Variants in DNAH10 observed in about 807,000 individuals in gnomAD.
DNAH10 encodes dynein axonemal heavy chain 10.
A neutral mutation model predicts 506.6 loss-of-function variants in DNAH10; 348 were observed. That is an observed-to-expected ratio of 0.69 (90% confidence interval 0.63 to 0.75). DNAH10 has a LOEUF of 0.75. Ranked by LOEUF, DNAH10 falls within the 30% of genes least tolerant of loss-of-function variation. The pLI is 0.00. For synonymous variants in DNAH10, 2,059 were observed against 2,198.6 expected, an observed-to-expected ratio of 0.94 and a Z score of 1.78; for missense variants, 5,179 against 5,787.1, an observed-to-expected ratio of 0.89 and a Z score of 3.41.
chr12:123,766,768 C>T (rs1189606220), intron 1 of DNAH10, among the ~76,000 whole-genome samples: 7 of 152,132 alleles, frequency 4.6e-5, no homozygotes, highest in African/African-American at 1.7e-4. Flanking sequence ...GGCCTCCTGA[C>T]ATTTGATATT....
At position 123,909,422 on chromosome 12, in the gene DNAH10, G is replaced by A. The variant is rs61744221; in HGVS notation, c.9977G>A (p.Ser3326Asn). 4,979 of 1,600,864 alleles carry A rather than the reference G, an allele frequency of 3.1e-3. 136 individuals are homozygous for A. In the African/African-American group the frequency reaches 0.058, roughly 19 times the overall value. ...ATTGATTTTGATTCGATTACCCAGA[G>A]CCAAGTGAAAAACATCAAAGGTGAG... is the stretch of plus-strand genomic sequence containing the variant. ...MEIDFDSITQ[S>N]QVKNIKGLLK... is the part of the protein sequence containing the mutation. Residue 3326 changes from serine (S) to asparagine (N), a missense_variant, in exon 58 of 79, where the codon AGC becomes AAC. Ser to Asn is a conservative substitution (Grantham distance 46, BLOSUM62 1). Transcript: ENST00000673944. This position sits in a 1 kb window ranked among gnomAD's most constrained non-coding sequence, Gnocchi z 5.4.
chr12:123,882,685 C>T (rs982219665), intron 51 of DNAH10, among the ~76,000 whole-genome samples: 1 of 149,202 alleles, frequency 6.7e-6, no homozygotes, highest in Non-Finnish European at 1.5e-5. Flanking sequence ...CCCAGCTACT[C>T]GGAGGCTGAG....
chr12:123,849,028 A>G (rs1027459714), intron 34 of DNAH10, 146 bp downstream of exon 34: 1 of 1,032,992 alleles, frequency 9.7e-7, no homozygotes, highest in Non-Finnish European at 1.4e-6. Flanking sequence ...TCCAATTGAG[A>G]TGATTGGGTT....
intron 10 of DNAH10, among the ~76,000 whole-genome samples, chr12:123,788,315 T>C (rs1316037344): frequency 2.0e-5 from 3 of 152,166 alleles, no homozygotes; most frequent in Non-Finnish European, 4.4e-5. Flanking sequence ...CCCTTAAGTA[T>C]TGGAATCCCT....
intron 56 of DNAH10, among the ~76,000 whole-genome samples, chr12:123,900,064 A>G (rs1158067637): frequency 6.6e-6 from 1 of 152,024 alleles, no homozygotes; most frequent in African/African-American, 2.4e-5. Context: ...TCACTTCTTC[A>G]TGCCTGTGTG....
At chr12:123,882,038 G>A (rs1952532996) in intron 51 of DNAH10, 2 of 403,460 alleles carry the variant, frequency 5.0e-6, no homozygotes, top group South Asian at 1.3e-4. Context: ...TTTGGCTTAG[G>A]ATAGGGTTAC....
At chr12:123,873,747 A>G in intron 46 of DNAH10, 37 bp downstream of exon 46, 1 of 1,569,204 alleles carries the variant, frequency 6.4e-7, no homozygotes, top group Non-Finnish European at 8.6e-7. Context: ...GGATGGGTCA[A>G]GACAGTGCTT....
In DNAH10 at chr12:123,875,240, T is replaced by A. The variant is rs775431941; in HGVS notation, c.7948T>A (p.Tyr2650Asn). Reference sequence around the variant, plus strand: ...TTTAAAAAAAATCAAGGTGGATGAATATGGCACGCAGCAGCCCATTGCCTT... The same window carrying A: ...TTTAAAAAAAATCAAGGTGGATGAAAATGGCACGCAGCAGCCCATTGCCTT... ...DDMNMPRVDE[Y>N]GTQQPIALLK... The change falls in exon 47 of 79, where the codon TAT (tyrosine) becomes AAT (asparagine). Residue 2650 changes from tyrosine to asparagine, a missense_variant. Physicochemically the swap from Tyr to Asn is moderately radical, Grantham distance 143. Around this residue, in one of 3 missense-constraint regions of DNAH10, gnomAD observed 4,844 missense variants for 5,430.5 expected, o/e 0.89. Coordinates refer to ENST00000673944, the MANE Select transcript of DNAH10 (RefSeq NM_001372106.1). 1 of 1,609,742 alleles carries A rather than the reference T, an allele frequency of 6.2e-7. No individual in the cohort carries two copies.
At chr12:123,778,768 T>TAGAC (rs1267903826) in intron 5 of DNAH10, among the ~76,000 whole-genome samples, 7 of 152,200 alleles carry the variant, frequency 4.6e-5, no homozygotes, top group Non-Finnish European at 1.0e-4. Context: ...ACACAGTTCT[T>TAGAC]ACTCTATTGC....
chr12:123,922,694 C>T (rs558159698), intron 65 of DNAH10, among the ~76,000 whole-genome samples: 2 of 152,226 alleles, frequency 1.3e-5, no homozygotes, highest in Non-Finnish European at 2.9e-5. Context: ...AGGATGCTCC[C>T]CTTGGCTTGT....
intron 39 of DNAH10, among the ~76,000 whole-genome samples, chr12:123,861,997 G>T (rs1441349268): frequency 6.6e-6 from 1 of 152,116 alleles, no homozygotes; most frequent in African/African-American, 2.4e-5. Context: ...AGGATTCCAG[G>T]CCAACCGTTT....
Position 123,866,226 on chromosome 12 carries a change from A to G in DNAH10, c.7167+153A>G, listed in dbSNP as rs554369335. On this transcript the variant is annotated intron_variant, in intron 41 of 78. Coordinates refer to ENST00000673944, the MANE Select transcript of DNAH10 (RefSeq NM_001372106.1). ...CAAAATAAGTGAAAACATGGCAGAC[A>G]CACTTTTTTTTTTTTTTTTTTTTTT... Among the ~76,000 whole-genome samples, 469 of 85,582 alleles carry G rather than the reference A, an allele frequency of 5.5e-3. 4 individuals are homozygous for G. Among genetic ancestry groups the G allele is most frequent in the African/African-American group, 0.018 (451 of 24,530 alleles). The allele number at this position is 85,582 out of a possible 152,430, so 56.1% of individuals were successfully genotyped here.
At position 123,909,660 on chromosome 12, in the gene DNAH10, G is replaced by T. The variant is rs537530165; in HGVS notation, c.9997+218G>T. ...TGGCTGGGGATGCGCGGCGGCAGCCGTGCCCACTGAGGGTTCGATTCGGCA... is the reference window on the plus strand; with the variant it reads ...TGGCTGGGGATGCGCGGCGGCAGCCTTGCCCACTGAGGGTTCGATTCGGCA... On this transcript the variant is annotated intron_variant, in intron 58 of 78. Coordinates refer to ENST00000673944, the MANE Select transcript of DNAH10 (RefSeq NM_001372106.1). This position sits in a 1 kb window ranked among gnomAD's most constrained non-coding sequence, Gnocchi z 5.4. Among the ~76,000 whole-genome samples, 1 of 152,226 alleles carries T rather than the reference G, an allele frequency of 6.6e-6. No individual in the cohort carries two copies. The highest frequency in any genetic ancestry group is 1.5e-5 in the Non-Finnish European group (1 of 68,034).
chr12:123,805,416 C>T (rs1415872211), intron 18 of DNAH10, among the ~76,000 whole-genome samples: 1 of 152,206 alleles, frequency 6.6e-6, no homozygotes, highest in African/African-American at 2.4e-5. Flanking sequence ...AAGTCAGCCC[C>T]TAGTTAGCGC....
Position 123,800,285 on chromosome 12 carries a change from G to T in DNAH10, c.2359G>T (p.Ala787Ser), listed in dbSNP as rs748413240. 1 of 1,614,092 alleles carries T rather than the reference G, an allele frequency of 6.2e-7. No individual in the cohort carries two copies. Among genetic ancestry groups the T allele is most frequent in the Non-Finnish European group, 8.5e-7 (1 of 1,180,002 alleles). Residue 787 changes from alanine to serine, a missense_variant, in exon 15 of 79, where the codon GCT becomes TCT. This residue lies in a region of DNAH10 where 4,844 missense variants were observed against 5,430.5 expected (regional missense o/e 0.89). Transcript: ENST00000673944. ...GAVFAINFSP[A>S]LREIINETKY... ...TGTTTTTGCAATCAACTTTTCACCG[G>T]CTCTCAGAGAGATTATTAATGAAAC...
intron 55 of DNAH10, 113 bp downstream of exon 55, chr12:123,898,080 G>A (rs532754497): frequency 2.3e-4 from 236 of 1,005,788 alleles, no homozygotes; most frequent in Admixed American, 3.3e-4. Flanking sequence ...GAGGCCAAAC[G>A]AAGCACATCT....
At chr12:123,875,592 C>A in intron 47 of DNAH10, 101 bp downstream of exon 47, 2 of 1,415,572 alleles carry the variant, frequency 1.4e-6, no homozygotes, top group Non-Finnish European at 1.9e-6. Context: ...GGGTTAGGGC[C>A]CTCAATACTT....
chr12:123,883,573 T>C (rs1316328549), intron 51 of DNAH10, among the ~76,000 whole-genome samples: 1 of 152,252 alleles, frequency 6.6e-6, no homozygotes, highest in Non-Finnish European at 1.5e-5. Flanking sequence ...TTTTTGCCTC[T>C]GGTTGCATGA....
In DNAH10 at chr12:123,919,088, T is replaced by C; in HGVS notation, c.11506+139T>C. 8.6e-7 allele frequency: 1 copy of C among 1,158,918 alleles called. No individual in the cohort carries two copies. The highest frequency in any genetic ancestry group is 2.9e-5 in the Admixed American group (1 of 34,584). The allele number at this position is 1,158,918 out of a possible 1,614,324, so 71.8% of individuals were successfully genotyped here. ...TTCTTTCTTTCTTTCTTTTTCTTTT[T>C]TTTTTGAGATAGGGTCTTGCTCCAT... On this transcript the variant is annotated intron_variant, in intron 65 of 78. Transcript: ENST00000673944. The surrounding 1 kb of genome is among the most constrained non-coding windows in gnomAD (Gnocchi z 4.9).
Sources: allele counts gnomAD v4.1 joint callset (sites outside exome capture counted in the v4.1 genomes callset), GRCh38; gene constraint gnomAD v4.1.1; regional missense constraint gnomAD v4.1.1; non-coding constraint Gnocchi (gnomAD v3.1); transcripts MANE v1.5; gene names NCBI Gene and HGNC (gene_info 2026-07-23, HGNC 2026-07-21).